AGMO: variants seen among roughly 807,000 people sequenced by gnomAD.
AGMO encodes alkylglycerol monooxygenase.
A neutral mutation model predicts 60.2 loss-of-function variants in AGMO; 75 were observed. The ratio of observed to expected loss-of-function variants is 1.25; its 90% CI spans 1.03 to 1.51. AGMO has a LOEUF of 1.51. Among genes scored for constraint, AGMO ranks in the 40% most tolerant of loss-of-function variants. AGMO has a pLI of 0.00. For synonymous variants in AGMO, 261 were observed against 177.1 expected (o/e 1.47, Z -3.76); for missense variants, 763 against 525.5 (o/e 1.45, Z -4.42).
At chr7:15,493,520 C>T (rs1243851678) in intron 3 of AGMO, among the ~76,000 whole-genome samples, 1 of 151,080 alleles carries the variant, frequency 6.6e-6, no homozygotes, top group Admixed American at 6.6e-5. Flanking sequence ...TCTGCAGGCG[C>T]CCGCCACCAC....
At chr7:15,132,664 G>T in the AGMO span, among the ~76,000 whole-genome samples, 1 of 152,094 alleles carries the variant, frequency 6.6e-6, no homozygotes, top group Non-Finnish European at 1.5e-5. Context: ...TAAAAATCTT[G>T]GGAAAGTGAT....
chr7:15,177,829 T>C, the AGMO span, among the ~76,000 whole-genome samples: 4 of 152,134 alleles, frequency 2.6e-5, no homozygotes, highest in African/African-American at 9.7e-5. Flanking sequence ...ACTATTTCTA[T>C]TGGGGGATTG....
At position 15,323,664 on chromosome 7, in the gene AGMO, T is replaced by A. The variant is rs531097815; in HGVS notation, c.1263+41850A>T. On this transcript the variant is annotated intron_variant, in intron 12 of 12. Coordinates refer to ENST00000342526, the MANE Select transcript of AGMO (RefSeq NM_001004320.2). The stretch of plus-strand genomic sequence containing the variant: ...ATGATTCCAAGCTGTCTCCCGAGCT[T>A]GCAGTGCATGACTTTTGCCAGAGCA... 7.9e-5 allele frequency among the ~76,000 whole-genome samples: 12 copies of A among 152,278 alleles called. 1 individual carries two copies. In the South Asian group the frequency reaches 2.5e-3, roughly 32 times the overall value.
chr7:15,532,967 G>C (rs1448300975), intron 3 of AGMO, among the ~76,000 whole-genome samples: 1 of 151,982 alleles, frequency 6.6e-6, no homozygotes, highest in African/African-American at 2.4e-5. Context: ...CTCCAGCCTG[G>C]GTGACAGAGC....
intron 12 of AGMO, among the ~76,000 whole-genome samples, chr7:15,291,677 G>A (rs1221268740): frequency 6.6e-6 from 1 of 152,164 alleles, no homozygotes; most frequent in African/African-American, 2.4e-5. Flanking sequence ...GGTACAAAGA[G>A]AGGATTGAAA....
chr7:15,396,810 C>G (rs945617280), intron 5 of AGMO, among the ~76,000 whole-genome samples: 2 of 152,052 alleles, frequency 1.3e-5, no homozygotes, highest in Non-Finnish European at 2.9e-5. Context: ...TTACAGAGAG[C>G]TGATTGGTCC....
At chr7:15,496,060 A>T (rs1056687351) in intron 3 of AGMO, among the ~76,000 whole-genome samples, 1 of 152,060 alleles carries the variant, frequency 6.6e-6, no homozygotes, top group Non-Finnish European at 1.5e-5. Context: ...AACATCTACA[A>T]AACACTGGAA....
At chr7:15,373,201 C>T (rs910495582) in intron 10 of AGMO, among the ~76,000 whole-genome samples, 1 of 151,816 alleles carries the variant, frequency 6.6e-6, no homozygotes, top group African/African-American at 2.4e-5. Context: ...CTGATTGAAA[C>T]TGGGAGGAGG....
At chr7:15,254,740 G>C (rs1208299072) in intron 12 of AGMO, among the ~76,000 whole-genome samples, 1 of 150,810 alleles carries the variant, frequency 6.6e-6, no homozygotes, top group Non-Finnish European at 1.5e-5. Context: ...CCTTTAACCA[G>C]CCTGAAAAAA....
At chr7:15,456,204 G>C (rs556327450) in intron 3 of AGMO, among the ~76,000 whole-genome samples, 147 of 151,936 alleles carry the variant, frequency 9.7e-4, no homozygotes, top group African/African-American at 3.4e-3. Context: ...ACTTCACTTT[G>C]TTCTCTGTAT....
At chr7:15,402,059 T>C (rs553169125) in intron 5 of AGMO, among the ~76,000 whole-genome samples, 1 of 152,266 alleles carries the variant, frequency 6.6e-6, no homozygotes, top group Non-Finnish European at 1.5e-5. Context: ...TTCTCATACA[T>C]TTATTATCTG....
At chr7:15,419,613 C>G (rs1780871198) in intron 4 of AGMO, among the ~76,000 whole-genome samples, 2 of 151,866 alleles carry the variant, frequency 1.3e-5, no homozygotes, top group Admixed American at 6.6e-5. Context: ...ACATGTAAAA[C>G]TCGTCTAGTT....
intron 4 of AGMO, among the ~76,000 whole-genome samples, chr7:15,427,139 T>C (rs766548850): frequency 2.6e-5 from 4 of 152,178 alleles, no homozygotes; most frequent in Non-Finnish European, 5.9e-5. Flanking sequence ...TATTTGTTGC[T>C]CTTTATAATA....
the AGMO span, among the ~76,000 whole-genome samples, chr7:15,134,969 C>G: frequency 1.3e-5 from 2 of 151,904 alleles, no homozygotes; most frequent in Non-Finnish European, 2.9e-5. Flanking sequence ...CATGGTAACT[C>G]TCCTTATTTC....
At chr7:15,450,021 T>C (rs1330593560) in intron 3 of AGMO, among the ~76,000 whole-genome samples, 1 of 152,216 alleles carries the variant, frequency 6.6e-6, no homozygotes, top group Non-Finnish European at 1.5e-5. Flanking sequence ...ACTCTTTTTT[T>C]CCAATTTAAT....
chr7:15,486,350 G>T (rs1782921674), intron 3 of AGMO, among the ~76,000 whole-genome samples: 1 of 152,042 alleles, frequency 6.6e-6, no homozygotes. Flanking sequence ...CGTGACCCTG[G>T]ATTTATTAAA....
intron 12 of AGMO, among the ~76,000 whole-genome samples, chr7:15,250,750 G>T (rs1248700967): frequency 1.3e-5 from 2 of 152,080 alleles, no homozygotes; most frequent in Admixed American, 6.5e-5. Flanking sequence ...GACCAGACTG[G>T]CCAACAGTAG....
At chr7:15,554,188 C>G (rs1785062260) in intron 2 of AGMO, among the ~76,000 whole-genome samples, 1 of 151,996 alleles carries the variant, frequency 6.6e-6, no homozygotes, top group South Asian at 2.1e-4. Flanking sequence ...AAAGTTCCTT[C>G]CTCTTTCTCT....
chr7:15,471,088 G>A (rs1182971831), intron 3 of AGMO, among the ~76,000 whole-genome samples: 3 of 151,884 alleles, frequency 2.0e-5, no homozygotes, highest in South Asian at 2.1e-4. Context: ...ATTTTCCTAA[G>A]TGGTTTATTT....
Sources: gnomAD v4.1 joint callset for allele counts (sites outside exome capture counted in the v4.1 genomes callset) on GRCh38, gnomAD v4.1.1 for gene constraint, MANE v1.5 for transcripts, NCBI Gene and HGNC (gene_info 2026-07-23, HGNC 2026-07-21) for gene names.